Variants in HGSNAT observed in about 807,000 individuals in gnomAD.
HGSNAT encodes the protein transmembrane protein 76.
A neutral mutation model predicts 85.2 loss-of-function variants in HGSNAT; 59 were observed. That is an observed-to-expected ratio of 0.69 (90% CI 0.56 to 0.86). HGSNAT has a LOEUF of 0.86. Among genes scored for constraint, HGSNAT ranks in the 40% least tolerant of loss-of-function variants. The pLI is 0.00. For synonymous variants in HGSNAT, 321 were observed against 304.5 expected, an observed-to-expected ratio of 1.05 and a Z score of -0.56; for missense variants, 756 against 777.1, an observed-to-expected ratio of 0.97 and a Z score of 0.32.
chr8:43,186,479 G>C (rs1272504000), intron 11 of HGSNAT, among the ~76,000 whole-genome samples: 2 of 151,914 alleles, frequency 1.3e-5, no homozygotes, highest in Non-Finnish European at 2.9e-5. Context: ...TGGAATCGGT[G>C]GTGATATCAC....
In HGSNAT at chr8:43,177,317, C is replaced by T. The variant is rs546549185; in HGVS notation, c.852-757C>T. ...TGTAATCCCAGCACTTTTGGGAGGC[C>T]GAGGCGGGCGGATCACAAGGTCGGG... is the stretch of plus-strand genomic sequence containing the variant. On this transcript the variant is annotated intron_variant, in intron 9 of 17. Coordinates refer to ENST00000379644, the MANE Select transcript of HGSNAT (RefSeq NM_152419.3). Among the ~76,000 whole-genome samples, 18 of 151,518 alleles carry T rather than the reference C, an allele frequency of 1.2e-4. No homozygotes were observed. The South Asian group carries it at 2.1e-3, about 18-fold the overall frequency.
rs1265223055 is a variant in HGSNAT, at chr8:43,202,762, A to G, written c.*3193A>G. On this transcript the variant is annotated 3_prime_UTR_variant, in exon 18 of 18. Coordinates refer to ENST00000379644, the MANE Select transcript of HGSNAT (RefSeq NM_152419.3). ...AGGGTATCGACTTAAGTGAAATTTC[A>G]ACATGCTGTTACTTTTTCCTTTTAA... The G allele has an allele frequency of 6.6e-6, 1 of 152,262 alleles. No individual in the cohort carries two copies. 9.4% of individuals were successfully genotyped at this position (152,262 alleles called of 1,614,324 possible).
chr8:43,158,811 T>G, intron 3 of HGSNAT, 100 bp downstream of exon 3: 1 of 1,500,736 alleles, frequency 6.7e-7, no homozygotes, highest in South Asian at 1.3e-5. Flanking sequence ...TTCTTTATCT[T>G]TTCTGGTCCG....
intron 5 of HGSNAT, among the ~76,000 whole-genome samples, chr8:43,168,649 G>A (rs190741776): frequency 1.2e-4 from 18 of 151,638 alleles, no homozygotes. Flanking sequence ...CACCCACCTC[G>A]GCCCCCCAAA....
intron 2 of HGSNAT, among the ~76,000 whole-genome samples, chr8:43,150,635 CA>C (rs1463892770): frequency 1.3e-5 from 2 of 152,140 alleles, no homozygotes; most frequent in East Asian, 3.9e-4. Context: ...AGATCGAGAC[CA>C]TCCTGGCCAA....
chr8:43,165,205 T>C (rs1042507452), intron 5 of HGSNAT, among the ~76,000 whole-genome samples: 2 of 152,104 alleles, frequency 1.3e-5, no homozygotes, highest in Non-Finnish European at 2.9e-5. Flanking sequence ...TTTCAAACTT[T>C]TTCATACTAT....
chr8:43,170,041 A>T (rs1803563768), intron 6 of HGSNAT, among the ~76,000 whole-genome samples: 1 of 152,066 alleles, frequency 6.6e-6, no homozygotes, highest in Non-Finnish European at 1.5e-5. Flanking sequence ...GGCTGGTCTC[A>T]AACTCTTGGG....
intron 10 of HGSNAT, among the ~76,000 whole-genome samples, chr8:43,178,842 G>T (rs1586734131): frequency 6.8e-6 from 1 of 146,566 alleles, no homozygotes; most frequent in Non-Finnish European, 1.5e-5. Context: ...TCAAGCATCT[G>T]TTTAACAAAG....
chr8:43,195,518 A>T (rs1167507208), intron 14 of HGSNAT, among the ~76,000 whole-genome samples: 2 of 128,074 alleles, frequency 1.6e-5, no homozygotes, highest in African/African-American at 6.0e-5. Flanking sequence ...AGGAGGAGGA[A>T]GAAGAGGAGG....
chr8:43,177,369 G>A (rs557676453), intron 9 of HGSNAT, among the ~76,000 whole-genome samples: 2 of 151,978 alleles, frequency 1.3e-5, no homozygotes, highest in African/African-American at 4.8e-5. Context: ...GGCTAACACG[G>A]TGAAACCCTG....
chr8:43,191,341 T>C, intron 11 of HGSNAT, 133 bp from the exon 12 acceptor site: 2 of 1,008,928 alleles, frequency 2.0e-6, no homozygotes, highest in Non-Finnish European at 3.0e-6. Context: ...GAACCTAACG[T>C]AGTCAGTAAG....
intron 11 of HGSNAT, among the ~76,000 whole-genome samples, chr8:43,185,989 G>C (rs554801262): frequency 5.1e-4 from 77 of 152,202 alleles, no homozygotes; most frequent in Non-Finnish European, 8.7e-4. Context: ...GAATGAAGCC[G>C]ACTTGATCAT....
chr8:43,196,896 TA>T, intron 14 of HGSNAT, 51 bp from the exon 15 acceptor site: 1 of 1,123,356 alleles, frequency 8.9e-7, no homozygotes, highest in Non-Finnish European at 1.3e-6. Flanking sequence ...TAATATGAAA[TA>T]AAAATATCCC....
chr8:43,173,033 A>G (rs1381589815), intron 8 of HGSNAT, among the ~76,000 whole-genome samples: 1 of 152,212 alleles, frequency 6.6e-6, no homozygotes, highest in Non-Finnish European at 1.5e-5. Flanking sequence ...AGCCCAGGCT[A>G]GATTGCAGTG....
In HGSNAT at chr8:43,140,599, G is replaced by A; in HGVS notation, c.103G>A (p.Ala35Thr). ...PGGSSGRDAQ[A>T]APPRDLDKKR... ...CGGCTCTTCGGGGCGCGATGCCCAGGCCGCGCCGCCACGAGGTGAGTGCAC... is the reference window on the plus strand; with the variant it reads ...CGGCTCTTCGGGGCGCGATGCCCAGACCGCGCCGCCACGAGGTGAGTGCAC... The change falls in exon 1 of 18, where the codon GCC becomes ACC. Residue 35 changes from alanine to threonine, a missense_variant. Transcript: ENST00000379644. 5.7e-6 allele frequency: 7 copies of A among 1,236,814 alleles called. No homozygotes were observed. The highest frequency in any genetic ancestry group is 7.1e-6 in the Non-Finnish European group (7 of 981,628). 76.6% of individuals were successfully genotyped at this position (1,236,814 alleles called of 1,614,324 possible).
chr8:43,141,944 C>T lies in HGSNAT; in HGVS notation c.118+1330C>T, dbSNP rs145202506. Among the ~76,000 whole-genome samples the T allele has an allele frequency of 3.2e-4, 48 of 152,286 alleles. No homozygotes were observed. The East Asian group carries it at 8.5e-3, about 27-fold the overall frequency. The stretch of plus-strand genomic sequence containing the variant: ...AGGTGGTTTGTAAATAGTAATCACA[C>T]GTAGTGAGGGGAAGCCGCGTTGGGA... On this transcript the variant is annotated intron_variant, in intron 1 of 17. Transcript: ENST00000379644.
intron 4 of HGSNAT, among the ~76,000 whole-genome samples, chr8:43,159,621 A>G (rs1199050390): frequency 3.3e-5 from 5 of 152,184 alleles, no homozygotes; most frequent in African/African-American, 1.2e-4. Flanking sequence ...ATACATTCTC[A>G]TAGTTTTTAG....
chr8:43,177,494 C>A (rs1394365266), intron 9 of HGSNAT, among the ~76,000 whole-genome samples: 1 of 142,944 alleles, frequency 7.0e-6, no homozygotes, highest in Non-Finnish European at 1.5e-5. Context: ...GGAGGCGGAG[C>A]TTGCAGTGAG....
chr8:43,197,814 T>C, intron 16 of HGSNAT, 26 bp from the exon 17 acceptor site: 1 of 1,604,346 alleles, frequency 6.2e-7, no homozygotes, highest in South Asian at 1.1e-5. Context: ...GTACGAGCAC[T>C]GAAACGTCTC....
Sources: allele counts gnomAD v4.1 joint callset (sites outside exome capture counted in the v4.1 genomes callset), GRCh38; gene constraint gnomAD v4.1.1; transcripts MANE v1.5; gene names NCBI Gene and HGNC (gene_info 2026-07-23, HGNC 2026-07-21).